The following CACNA2D2 variants were observed in gnomAD, a reference collection of about 807,000 sequenced individuals.
CACNA2D2 encodes the protein calcium voltage-gated channel auxiliary subunit alpha2delta 2, also known as voltage-dependent calcium channel subunit alpha-2/delta-2.
CACNA2D2 carries 48 observed loss-of-function variants against 166.4 expected under a neutral mutation model. That is an observed-to-expected ratio of 0.29 (90% CI 0.23 to 0.37). CACNA2D2 has a LOEUF of 0.37. Among genes scored for constraint, CACNA2D2 ranks in the 10% least tolerant of loss-of-function variants. The pLI is 1.00. For synonymous variants in CACNA2D2, 561 were observed against 573.7 expected (o/e 0.98, Z 0.32); for missense variants, 1,122 against 1,433.0 (o/e 0.78, Z 3.50).
intron 2 of CACNA2D2, among the ~76,000 whole-genome samples, chr3:50,450,129 C>G (rs1709030224): frequency 6.6e-6 from 1 of 152,184 alleles, no homozygotes; most frequent in South Asian, 2.1e-4. Flanking sequence ...ACCTGAAAGC[C>G]CAATATTCTT....
intron 1 of CACNA2D2, among the ~76,000 whole-genome samples, chr3:50,491,982 C>A (rs778523121): frequency 6.6e-6 from 1 of 152,202 alleles, no homozygotes; most frequent in South Asian, 2.1e-4. Context: ...AGGTTCCTGG[C>A]CACAGTGGAG....
intron 6 of CACNA2D2, among the ~76,000 whole-genome samples, chr3:50,382,590 C>A (rs1266420652): frequency 6.6e-6 from 1 of 152,240 alleles, no homozygotes; most frequent in Non-Finnish European, 1.5e-5. Context: ...CAAGCATTGG[C>A]TCTGCTTATT....
chr3:50,422,675 T>G (rs1029351038), intron 3 of CACNA2D2, among the ~76,000 whole-genome samples: 5 of 152,186 alleles, frequency 3.3e-5, no homozygotes, highest in African/African-American at 1.2e-4. Context: ...GGACTCTTAC[T>G]GCCCATCTAC....
intron 2 of CACNA2D2, among the ~76,000 whole-genome samples, chr3:50,448,713 C>A (rs1475045725): frequency 6.6e-6 from 1 of 152,108 alleles, no homozygotes; most frequent in Non-Finnish European, 1.5e-5. Flanking sequence ...TGTGTGTGCA[C>A]AGGCCCAGGG....
intron 2 of CACNA2D2, among the ~76,000 whole-genome samples, chr3:50,445,325 C>T (rs762693183): frequency 6.6e-6 from 1 of 152,182 alleles, no homozygotes; most frequent in East Asian, 1.9e-4. Flanking sequence ...CTAGGCTCCC[C>T]CTTCTGAGTT....
At chr3:50,494,003 C>T (rs1575781682) in intron 1 of CACNA2D2, among the ~76,000 whole-genome samples, 1 of 152,232 alleles carries the variant, frequency 6.6e-6, no homozygotes, top group East Asian at 1.9e-4. Flanking sequence ...GCCTCAGGGG[C>T]TAGCCAGGGA....
chr3:50,465,776 A>G (rs1045076479), intron 2 of CACNA2D2, among the ~76,000 whole-genome samples: 3 of 152,132 alleles, frequency 2.0e-5, no homozygotes, highest in Non-Finnish European at 4.4e-5. Flanking sequence ...ACAAGCATCT[A>G]GGGGTTGTAA....
intron 3 of CACNA2D2, among the ~76,000 whole-genome samples, chr3:50,403,440 G>A (rs1706545711): frequency 6.6e-6 from 1 of 152,132 alleles, no homozygotes; most frequent in South Asian, 2.1e-4. Flanking sequence ...CAACTTCGCT[G>A]GAGATCTTGT....
intron 1 of CACNA2D2, among the ~76,000 whole-genome samples, chr3:50,493,167 C>T (rs773104557): frequency 1.3e-5 from 2 of 152,186 alleles, no homozygotes; most frequent in Admixed American, 6.5e-5. Context: ...ACCCTGCAGC[C>T]GACACTGCTT....
chr3:50,365,450 G>T lies in CACNA2D2; in HGVS notation c.3004C>A (p.Arg1002Ser), dbSNP rs764066785. ...TGTTTCATGACGCAGCTGCTCTCGC[G>T]CGTCTCGGGGCTCCCCTCGGCCTCC... ...PAEAEGSPET[R>S]ESSCVMKQTQ... Residue 1002 changes from arginine to serine, a missense_variant, in exon 35 of 38, where the codon CGC (arginine) becomes AGC (serine). Around this residue, in one of 2 missense-constraint regions of CACNA2D2, gnomAD observed 282 missense variants for 266.2 expected, o/e 1.06. Coordinates refer to ENST00000424201, the MANE Select transcript of CACNA2D2 (RefSeq NM_006030.4). The surrounding 1 kb of genome is among the most constrained non-coding windows in gnomAD (Gnocchi z 4.5). The T allele has an allele frequency of 8.1e-6, 13 of 1,613,416 alleles. No homozygotes were observed. The Admixed American group carries it at 1.0e-4, about 12-fold the overall frequency.
chr3:50,446,263 G>A (rs747292039), intron 2 of CACNA2D2, among the ~76,000 whole-genome samples: 1 of 152,212 alleles, frequency 6.6e-6, no homozygotes, highest in Non-Finnish European at 1.5e-5. Context: ...CATTACTGGC[G>A]GGGCCAAAGT....
intron 1 of CACNA2D2, 138 bp downstream of exon 1, chr3:50,503,080 G>A (rs933260796): frequency 7.6e-6 from 3 of 393,996 alleles, no homozygotes; most frequent in East Asian, 5.2e-5. Flanking sequence ...GCTTGGGGCC[G>A]TCGCCCCCGG....
rs10575478 is a variant in CACNA2D2 at position 50,363,466 on chromosome 3, CTGTGTGTGTGTG to C, written c.*1188_*1199del. The C allele has an allele frequency of 7.7e-5, 27 of 352,882 alleles. No homozygotes were observed. Among genetic ancestry groups the C allele is most frequent in the Non-Finnish European group, 1.1e-4 (24 of 213,620 alleles). The allele number at this position is 352,882 out of a possible 1,614,324, so 21.9% of individuals were successfully genotyped here. On this transcript the variant is annotated 3_prime_UTR_variant, in exon 38 of 38. Coordinates refer to ENST00000424201, the MANE Select transcript of CACNA2D2 (RefSeq NM_006030.4). ...GTGAAGAGCTGTGCCCAGTCCCCAC[CTGTGTGTGTGTG>C]TGTGTGTGTGTGTTCAGCAAGGGAG...
rs1260540618 is a variant in CACNA2D2 at position 50,370,393 on chromosome 3, C to CG, written c.1985-14dup. On this transcript the variant is annotated splice_polypyrimidine_tract_variant and intron_variant, in intron 22 of 37. Transcript: ENST00000424201. Reference sequence around the variant, plus strand: ...AGGAACTCAAAATCTGCAACAGAAACGGGGGGTTATCCGGCGGGGGCTGGG... The same window carrying CG: ...AGGAACTCAAAATCTGCAACAGAAACGGGGGGGTTATCCGGCGGGGGCTGGG... 26 of 1,261,688 alleles carry CG rather than the reference C, an allele frequency of 2.1e-5. No individual in the cohort carries two copies. Among genetic ancestry groups the CG allele is most frequent in the Non-Finnish European group, 2.5e-5 (24 of 967,490 alleles). The allele number at this position is 1,261,688 out of a possible 1,614,324, so 78.2% of individuals were successfully genotyped here.
chr3:50,396,698 GGAGGCTGTGTAAAGCCTGAC>G (rs141493196), intron 3 of CACNA2D2, among the ~76,000 whole-genome samples: 13,295 of 152,166 alleles, frequency 0.087, 1,754 homozygotes, highest in African/African-American at 0.29. Context: ...AACTTGGCCC[GGAGGCTGTGTAAAGCCTGAC>G]GAGGCAGTGT....
chr3:50,453,822 G>C (rs1462508826), intron 2 of CACNA2D2, among the ~76,000 whole-genome samples: 2 of 152,232 alleles, frequency 1.3e-5, no homozygotes, highest in African/African-American at 4.8e-5. Context: ...TGCAGGAAGA[G>C]GGAATGGTGA....
chr3:50,414,745 C>G (rs190019426), intron 3 of CACNA2D2, among the ~76,000 whole-genome samples: 3 of 152,216 alleles, frequency 2.0e-5, no homozygotes, highest in African/African-American at 7.2e-5. Context: ...GTCAGAAGAG[C>G]GAGCTCCTAT....
chr3:50,380,082 C>T lies in CACNA2D2; in HGVS notation c.843-64G>A. On this transcript the variant is annotated intron_variant, in intron 8 of 37. Coordinates refer to ENST00000424201, the MANE Select transcript of CACNA2D2 (RefSeq NM_006030.4). This position sits in a 1 kb window ranked among gnomAD's most constrained non-coding sequence, Gnocchi z 4.9. ...GGACCTTGTGGGTCCTTCCTTCCTT[C>T]ACATACATATTGATTCAATACATTT... The T allele has an allele frequency of 6.6e-7, 1 of 1,509,562 alleles. No homozygotes were observed. Among genetic ancestry groups the T allele is most frequent in the Non-Finnish European group, 9.2e-7 (1 of 1,085,704 alleles). 93.5% of individuals were successfully genotyped at this position (1,509,562 alleles called of 1,614,324 possible).
chr3:50,409,298 T>G (rs1192986020), intron 3 of CACNA2D2, among the ~76,000 whole-genome samples: 1 of 152,192 alleles, frequency 6.6e-6, no homozygotes, highest in African/African-American at 2.4e-5. Flanking sequence ...AAGTGGAGTG[T>G]GGACCCTGGG....
Sources: gnomAD v4.1 joint callset for allele counts (sites outside exome capture counted in the v4.1 genomes callset) on GRCh38, gnomAD v4.1.1 for gene constraint, gnomAD v4.1.1 regional missense constraint, Gnocchi (gnomAD v3.1) non-coding constraint, MANE v1.5 for transcripts, NCBI Gene and HGNC (gene_info 2026-07-23, HGNC 2026-07-21) for gene names.